TOMM70: variants seen among roughly 807,000 people sequenced by gnomAD.
The protein encoded by TOMM70 is translocase of outer mitochondrial membrane 70, also known as mitochondrial import receptor subunit TOM70.
TOMM70 carries 13 observed loss-of-function variants against 73.6 expected under a neutral mutation model. The ratio of observed to expected loss-of-function variants is 0.18; its 90% CI spans 0.11 to 0.28. TOMM70 has a LOEUF of 0.28. TOMM70 is among the 10% of genes least tolerant of loss of function. TOMM70 has a pLI of 1.00. For missense variants in TOMM70, 609 were observed against 747.5 expected (o/e 0.81, Z 2.16); for synonymous variants, 257 against 271.2 (o/e 0.95, Z 0.51).
intron 6 of TOMM70, among the ~76,000 whole-genome samples, chr3:100,375,703 A>G (rs1238765075): frequency 6.6e-6 from 1 of 152,206 alleles, no homozygotes; most frequent in African/African-American, 2.4e-5. Context: ...TGCTATGAAC[A>G]TTCACATACA....
At chr3:100,392,130 G>A (rs1441518582) in intron 1 of TOMM70, among the ~76,000 whole-genome samples, 1 of 152,166 alleles carries the variant, frequency 6.6e-6, no homozygotes, top group Admixed American at 6.6e-5. Flanking sequence ...AGGTGCGTAG[G>A]AGACTGTACT....
At chr3:100,390,352 C>A (rs990692158) in intron 1 of TOMM70, among the ~76,000 whole-genome samples, 5 of 152,172 alleles carry the variant, frequency 3.3e-5, no homozygotes, top group Admixed American at 2.6e-4. Flanking sequence ...CAGTTATACA[C>A]CACATAACAA....
In TOMM70 at chr3:100,365,643, T is replaced by C. The variant is rs543467410; in HGVS notation, c.1748A>G (p.His583Arg). The C allele has an allele frequency of 6.2e-7, 1 of 1,614,236 alleles. No homozygotes were observed. Among genetic ancestry groups the C allele is most frequent in the Non-Finnish European group, 8.5e-7 (1 of 1,180,024 alleles). ...NLAKSEMEMA[H>R]LYSLCDAAHA... ...GGCGGCATCGCAAAGTGAATACAGATGGGCCATCTCCATTTCCGATTTGGC... is the reference window on the plus strand; with the variant it reads ...GGCGGCATCGCAAAGTGAATACAGACGGGCCATCTCCATTTCCGATTTGGC... The change falls in exon 12 of 12, where the codon CAT becomes CGT. Residue 583 changes from histidine to arginine, a missense_variant. Coordinates refer to ENST00000284320, the MANE Select transcript of TOMM70 (RefSeq NM_014820.5).
At position 100,400,573 on chromosome 3, in the gene TOMM70, G is replaced by A. The variant is rs563059245; in HGVS notation, c.324+53C>T. On this transcript the variant is annotated intron_variant, in intron 1 of 11. Coordinates refer to ENST00000284320, the MANE Select transcript of TOMM70 (RefSeq NM_014820.5). ...CCCCCTCACTGACACAACCCGCCAAGGAAAAGCTGCACGAGCCAGTTTCCT... is the reference window on the plus strand; with the variant it reads ...CCCCCTCACTGACACAACCCGCCAAAGAAAAGCTGCACGAGCCAGTTTCCT... 19 of 1,573,880 alleles carry A rather than the reference G, an allele frequency of 1.2e-5. No homozygotes were observed. The South Asian group carries it at 2.0e-4, about 16-fold the overall frequency.
intron 1 of TOMM70, among the ~76,000 whole-genome samples, chr3:100,395,313 A>G (rs1215523676): frequency 6.6e-6 from 1 of 151,956 alleles, no homozygotes; most frequent in East Asian, 1.9e-4. Context: ...AGGTTGCAGT[A>G]AGCCGAGATT....
At chr3:100,374,778 G>C (rs1431979743) in intron 7 of TOMM70, among the ~76,000 whole-genome samples, 4 of 152,024 alleles carry the variant, frequency 2.6e-5, no homozygotes, top group Non-Finnish European at 5.9e-5. Context: ...AACTTGAACT[G>C]GTAAGCCAAC....
Position 100,390,265 on chromosome 3 carries a change from G to A in TOMM70, c.325-3287C>T, listed in dbSNP as rs1055737183. On this transcript the variant is annotated intron_variant, in intron 1 of 11. Transcript: ENST00000284320. The stretch of plus-strand genomic sequence containing the variant: ...CTGAAGGACCATACTGTAGACTAGT[G>A]TAGGAAACAAACAACCGTCAATCTC... Among the ~76,000 whole-genome samples the A allele has an allele frequency of 2.0e-5, 3 of 152,308 alleles. No homozygotes were observed. In the East Asian group the frequency reaches 5.8e-4, roughly 29 times the overall value.
At chr3:100,396,116 A>G (rs959266804) in intron 1 of TOMM70, among the ~76,000 whole-genome samples, 5 of 152,030 alleles carry the variant, frequency 3.3e-5, no homozygotes, top group Non-Finnish European at 5.9e-5. Flanking sequence ...CCAAGGATTA[A>G]GATTGAAAAG....
chr3:100,372,233 A>C (rs1706518188), intron 9 of TOMM70: 1 of 168,112 alleles, frequency 5.9e-6, no homozygotes, highest in Non-Finnish European at 1.3e-5. Context: ...CCGTTACAAC[A>C]ACCTAGCCAT....
At position 100,368,972 on chromosome 3, in the gene TOMM70, A is replaced by C. The variant is rs146491067; in HGVS notation, c.1550+66T>G. 5.1e-5 allele frequency: 64 copies of C among 1,249,916 alleles called. No individual in the cohort carries two copies. In the African/African-American group the frequency reaches 7.2e-4, roughly 14 times the overall value. The allele number at this position is 1,249,916 out of a possible 1,614,324, so 77.4% of individuals were successfully genotyped here. Reference sequence around the variant, plus strand: ...ACAGTCCCCTTCCTCAGTGGCCAAAATAAATACATTTTATTACTATGCAAG... The same window carrying C: ...ACAGTCCCCTTCCTCAGTGGCCAAACTAAATACATTTTATTACTATGCAAG... On this transcript the variant is annotated intron_variant, in intron 10 of 11. Transcript: ENST00000284320.
Position 100,400,720 on chromosome 3 carries a change from A to C in TOMM70, c.230T>G (p.Leu77Arg), listed in dbSNP as rs745429084. 12 of 1,609,240 alleles carry C rather than the reference A, an allele frequency of 7.5e-6. No homozygotes were observed. The East Asian group carries it at 2.7e-4, about 36-fold the overall frequency. ...EARGRGDASG[L>R]KRNSERKTPE... ...GGTCTTCCGTTCGCTGTTGCGCTTCAGGCCGCTGGCGTCGCCCCGGCCTCT... is the reference window on the plus strand; with the variant it reads ...GGTCTTCCGTTCGCTGTTGCGCTTCCGGCCGCTGGCGTCGCCCCGGCCTCT... Residue 77 changes from leucine (L) to arginine (R), a missense_variant, in exon 1 of 12, where the codon CTG becomes CGG. Transcript: ENST00000284320.
chr3:100,368,563 G>A lies in TOMM70; in HGVS notation c.1551-397C>T, dbSNP rs189006673. On this transcript the variant is annotated intron_variant, in intron 10 of 11. Transcript: ENST00000284320. Reference sequence around the variant, plus strand: ...AAACCCTTAACACAGAGCAAGAATAGTACATTAATTTCTTTCTTTTTGTTT... The same window carrying A: ...AAACCCTTAACACAGAGCAAGAATAATACATTAATTTCTTTCTTTTTGTTT... 7.3e-4 allele frequency among the ~76,000 whole-genome samples: 111 copies of A among 152,172 alleles called. 1 individual carries two copies. Among genetic ancestry groups the A allele is most frequent in the Admixed American group, 7.3e-3 (111 of 15,264 alleles).
In TOMM70 at chr3:100,376,369, G is replaced by GTTTTTTTTTTTTTTTTTT. The variant is rs141227349; in HGVS notation, c.1093-1218_1093-1217insAAAAAAAAAAAAAAAAAA. Among the ~76,000 whole-genome samples, 94 of 121,752 alleles carry GTTTTTTTTTTTTTTTTTT rather than the reference G, an allele frequency of 7.7e-4. 9 individuals are homozygous for GTTTTTTTTTTTTTTTTTT. The highest frequency in any genetic ancestry group is 3.0e-3 in the African/African-American group (82 of 27,048). The allele number at this position is 121,752 out of a possible 152,430, so 79.9% of individuals were successfully genotyped here. The stretch of plus-strand genomic sequence containing the variant: ...CTTGATGGTGTCTTTTCACACAGAA[G>GTTTTTTTTTTTTTTTTTT]TTTTTTTTTTTTTTTGAGACAGGAT... On this transcript the variant is annotated intron_variant, in intron 6 of 11. Transcript: ENST00000284320.
At chr3:100,373,718 A>G in intron 7 of TOMM70, 73 bp from the exon 8 acceptor site, 2 of 969,096 alleles carry the variant, frequency 2.1e-6, no homozygotes, top group Non-Finnish European at 3.2e-6. Context: ...CATCTCTATT[A>G]TTACACCTCA....
chr3:100,401,066 CAG>C lies in TOMM70; in HGVS notation c.-119_-118del, dbSNP rs1395751090. The stretch of plus-strand genomic sequence containing the variant: ...GCAATGAGCGAGCGAGCACGCTAGG[CAG>C]AGAGAGCGGACGACAGAAAAGGGCC... On this transcript the variant is annotated 5_prime_UTR_variant, in exon 1 of 12. Coordinates refer to ENST00000284320, the MANE Select transcript of TOMM70 (RefSeq NM_014820.5). 11 of 1,143,092 alleles carry C rather than the reference CAG, an allele frequency of 9.6e-6. No individual in the cohort carries two copies. The highest frequency in any genetic ancestry group is 3.2e-5 in the African/African-American group (2 of 62,222). 70.8% of individuals were successfully genotyped at this position (1,143,092 alleles called of 1,614,324 possible).
chr3:100,378,053 T>C, intron 5 of TOMM70, 141 bp from the exon 6 acceptor site: 1 of 627,582 alleles, frequency 1.6e-6, no homozygotes, highest in Non-Finnish European at 2.7e-6. Flanking sequence ...GAGACCAGCC[T>C]GGCCAACATG....
chr3:100,388,071 A>C (rs1256260946), intron 1 of TOMM70, among the ~76,000 whole-genome samples: 1 of 152,250 alleles, frequency 6.6e-6, no homozygotes, highest in Non-Finnish European at 1.5e-5. Context: ...ACAAGCACAT[A>C]TAAATTAATA....
chr3:100,393,792 C>T (rs1252308794), intron 1 of TOMM70, among the ~76,000 whole-genome samples: 1 of 152,102 alleles, frequency 6.6e-6, no homozygotes, highest in East Asian at 1.9e-4. Context: ...GTAAGAAAAT[C>T]AGGTTTTGCT....
chr3:100,369,145 G>C lies in TOMM70; in HGVS notation c.1453-10C>G. On this transcript the variant is annotated splice_polypyrimidine_tract_variant and intron_variant, in intron 9 of 11. Coordinates refer to ENST00000284320, the MANE Select transcript of TOMM70 (RefSeq NM_014820.5). ...GTTGATCTGTTAATGCCTATGTGAGGAGATACTTCAGTTATATTAAGGTAA... is the reference window on the plus strand; with the variant it reads ...GTTGATCTGTTAATGCCTATGTGAGCAGATACTTCAGTTATATTAAGGTAA... 2 of 1,586,264 alleles carry C rather than the reference G, an allele frequency of 1.3e-6. No homozygotes were observed. Among genetic ancestry groups the C allele is most frequent in the Non-Finnish European group, 1.7e-6 (2 of 1,156,004 alleles).
Sources: allele counts gnomAD v4.1 joint callset (sites outside exome capture counted in the v4.1 genomes callset), GRCh38; gene constraint gnomAD v4.1.1; transcripts MANE v1.5; gene names NCBI Gene and HGNC (gene_info 2026-07-23, HGNC 2026-07-21).